The following EIF4ENIF1 variants were observed in gnomAD, a reference collection of about 807,000 sequenced individuals.
EIF4ENIF1 encodes the protein eukaryotic translation initiation factor 4E nuclear import factor 1, also known as eukaryotic translation initiation factor 4E transporter.
A neutral mutation model predicts 110.5 loss-of-function variants in EIF4ENIF1; 23 were observed. The observed-to-expected ratio is 0.21, with a 90% CI of 0.15 to 0.29. EIF4ENIF1 has a LOEUF of 0.29. EIF4ENIF1 is among the 10% of genes least tolerant of loss of function. The probability of loss-of-function intolerance (pLI) is 1.00; values close to 1 mark genes in which losing one functional copy is unlikely to be tolerated. For synonymous variants in EIF4ENIF1, 440 were observed against 437.0 expected, an observed-to-expected ratio of 1.01 and a Z score of -0.09; for missense variants, 1,031 against 1,221.1, an observed-to-expected ratio of 0.84 and a Z score of 2.32.
At chr22:31,492,470 T>C (rs955311007), upstream of EIF4ENIF1, among the ~76,000 whole-genome samples, 1 of 152,222 alleles carries the variant, frequency 6.6e-6, no homozygotes, top group Non-Finnish European at 1.5e-5. Context: ...CTCTGGTCTA[T>C]CCTACTTAGG....
chr22:31,450,195 ATT>A, intron 11 of EIF4ENIF1, 92 bp downstream of exon 11: 1 of 969,956 alleles, frequency 1.0e-6, no homozygotes. Flanking sequence ...AACACAGATC[ATT>A]TTCTAAGGCC....
intron 13 of EIF4ENIF1, 33 bp downstream of exon 13, chr22:31,448,120 C>T: frequency 6.2e-7 from 1 of 1,611,450 alleles, no homozygotes; most frequent in Non-Finnish European, 8.5e-7. Flanking sequence ...GAAGGGCAAG[C>T]AAGAGATTGA....
At position 31,454,317 on chromosome 22, in the gene EIF4ENIF1, C is replaced by T. The variant is rs2050754945; in HGVS notation, c.1339G>A (p.Val447Ile). The change falls in exon 10 of 19, where the codon GTT (valine) becomes ATT (isoleucine). Residue 447 changes from valine (V) to isoleucine (I), a missense_variant. Val to Ile is a conservative substitution (Grantham distance 29). This residue lies in a region of EIF4ENIF1 where 704 missense variants were observed against 879.7 expected (regional missense o/e 0.80). Transcript: ENST00000330125. ...GTTGAATTCTTCACTTGCTGGTCAA[C>T]CTTCAAGCCCTTCAGACCTGCTTCT... ...EVEAGLKGLK[V>I]DQQVKNSTPF... 1 of 1,614,054 alleles carries T rather than the reference C, an allele frequency of 6.2e-7. No individual in the cohort carries two copies. The highest frequency in any genetic ancestry group is 1.7e-5 in the Admixed American group (1 of 60,002).
intron 2 of EIF4ENIF1, among the ~76,000 whole-genome samples, chr22:31,478,302 C>G (rs1321532022): frequency 1.3e-5 from 2 of 152,006 alleles, no homozygotes; most frequent in African/African-American, 4.8e-5. Context: ...TCACTTGAGT[C>G]AGGAGTTCAT....
At chr22:31,458,122 G>A (rs2050883633) in intron 7 of EIF4ENIF1, among the ~76,000 whole-genome samples, 1 of 151,908 alleles carries the variant, frequency 6.6e-6, no homozygotes, top group African/African-American at 2.4e-5. Context: ...CAACTACTCA[G>A]GAGGCTGAGG....
chr22:31,492,479 G>A (rs148993733), upstream of EIF4ENIF1, among the ~76,000 whole-genome samples: 6 of 152,238 alleles, frequency 3.9e-5, no homozygotes, highest in East Asian at 1.2e-3. Flanking sequence ...ATCCTACTTA[G>A]GACCTACTTT....
chr22:31,455,351 G>A, intron 8 of EIF4ENIF1, 36 bp from the exon 9 acceptor site: 1 of 1,404,350 alleles, frequency 7.1e-7, no homozygotes, highest in East Asian at 2.5e-5. Context: ...AAATTAATCT[G>A]TTCCAGTAAA....
At chr22:31,470,326 G>A (rs929481085) in intron 3 of EIF4ENIF1, among the ~76,000 whole-genome samples, 1 of 151,702 alleles carries the variant, frequency 6.6e-6, no homozygotes, top group African/African-American at 2.4e-5. Context: ...TGTTGCCCAG[G>A]CTGCAGTGCA....
In EIF4ENIF1 at chr22:31,475,629, G is replaced by A. The variant is rs894798648; in HGVS notation, c.97-3712C>T. Reference sequence around the variant, plus strand: ...TAGCCAGGTGTGGTAGCGGACGCCTGTAATCCCAGCTACCTGTAGGGAGGC... The same window carrying A: ...TAGCCAGGTGTGGTAGCGGACGCCTATAATCCCAGCTACCTGTAGGGAGGC... On this transcript the variant is annotated intron_variant, in intron 2 of 18. Coordinates refer to ENST00000330125, the MANE Select transcript of EIF4ENIF1 (RefSeq NM_019843.4). Among the ~76,000 whole-genome samples the A allele has an allele frequency of 3.3e-5, 5 of 151,214 alleles. No individual in the cohort carries two copies. The Admixed American group carries it at 3.3e-4, about 10-fold the overall frequency.
upstream of EIF4ENIF1, among the ~76,000 whole-genome samples, chr22:31,491,421 A>G (rs895379853): frequency 2.0e-5 from 3 of 152,178 alleles, no homozygotes; most frequent in African/African-American, 7.2e-5. Context: ...TGAAGCTGCT[A>G]AATCCTGACC....
downstream of EIF4ENIF1, among the ~76,000 whole-genome samples, chr22:31,438,503 ATTTG>A (rs2145878206): frequency 6.6e-6 from 1 of 152,256 alleles, no homozygotes; most frequent in Non-Finnish European, 1.5e-5. Context: ...AGTAAACATG[ATTTG>A]TTTGAGAGAA....
chr22:31,486,196 G>A (rs1004332398), intron 2 of EIF4ENIF1, among the ~76,000 whole-genome samples: 6 of 152,124 alleles, frequency 3.9e-5, no homozygotes, highest in East Asian at 1.9e-4. Flanking sequence ...CTTGAACCCC[G>A]GAGGCGGAGA....
Position 31,462,941 on chromosome 22 carries a change from C to A in EIF4ENIF1, c.778G>T (p.Val260Leu). 1 of 1,613,776 alleles carries A rather than the reference C, an allele frequency of 6.2e-7. No individual in the cohort carries two copies. Among genetic ancestry groups the A allele is most frequent in the Non-Finnish European group, 8.5e-7 (1 of 1,179,906 alleles). The change falls in exon 6 of 19, where the codon GTG becomes TTG. Residue 260 changes from valine (V) to leucine (L), a missense_variant. Physicochemically the swap from Val to Leu is conservative, Grantham distance 32 (BLOSUM62 1). Coordinates refer to ENST00000330125, the MANE Select transcript of EIF4ENIF1 (RefSeq NM_019843.4). ...RKRTRRRTASVKEGIVECNGG... is the reference protein window; with the variant it reads ...RKRTRRRTASLKEGIVECNGG... Reference sequence around the variant, plus strand: ...CAAAGTTTGAACTGACCTTCCTTCACAGAGGCTGTCCGTCGCCTTGTTCTT... The same window carrying A: ...CAAAGTTTGAACTGACCTTCCTTCAAAGAGGCTGTCCGTCGCCTTGTTCTT...
chr22:31,443,673 C>A (rs1439446641), intron 15 of EIF4ENIF1, among the ~76,000 whole-genome samples: 1 of 152,128 alleles, frequency 6.6e-6, no homozygotes, highest in Non-Finnish European at 1.5e-5. Context: ...AAGTTCTTTC[C>A]AAACCCTGCT....
At chr22:31,461,839 C>G (rs1057455108) in intron 6 of EIF4ENIF1, 1 of 152,210 alleles carries the variant, frequency 6.6e-6, no homozygotes, top group Non-Finnish European at 1.5e-5. Context: ...TTGCTTTACT[C>G]TTGACTTCAC....
upstream of EIF4ENIF1, among the ~76,000 whole-genome samples, chr22:31,490,163 C>G (rs1026024163): frequency 1.4e-4 from 21 of 152,228 alleles, no homozygotes; most frequent in Admixed American, 1.0e-3. Context: ...GCAGAGCGGA[C>G]GGCACTTGGG....
At chr22:31,490,314 G>C (rs989783288), upstream of EIF4ENIF1, among the ~76,000 whole-genome samples, 1 of 152,256 alleles carries the variant, frequency 6.6e-6, no homozygotes, top group African/African-American at 2.4e-5. Flanking sequence ...TCGGCAGTGG[G>C]AATTTGAGAT....
upstream of EIF4ENIF1, chr22:31,490,056 C>T (rs534054218): frequency 2.0e-5 from 3 of 152,388 alleles, no homozygotes; most frequent in South Asian, 2.1e-4. Context: ...AGGAGGAGGC[C>T]ACGGTGGGGA....
chr22:31,455,014 A>G (rs1569077338), intron 9 of EIF4ENIF1, 122 bp downstream of exon 9: 11 of 810,724 alleles, frequency 1.4e-5, no homozygotes, highest in Non-Finnish European at 1.6e-5. Flanking sequence ...AAAGAACATT[A>G]AACAAAAACC....
Sources: gnomAD v4.1 joint callset for allele counts (sites outside exome capture counted in the v4.1 genomes callset) on GRCh38, gnomAD v4.1.1 for gene constraint, gnomAD v4.1.1 regional missense constraint, MANE v1.5 for transcripts, NCBI Gene and HGNC (gene_info 2026-07-23, HGNC 2026-07-21) for gene names.